The following C4orf33 variants were observed in gnomAD, a reference collection of about 807,000 sequenced individuals.
C4orf33 encodes the protein chromosome 4 open reading frame 33.
In C4orf33, 20 loss-of-function variants were observed where a neutral mutation model predicts 24.3. That is an observed-to-expected ratio of 0.82 (90% confidence interval 0.58 to 1.19). C4orf33 has a LOEUF of 1.19. Among genes scored for constraint, C4orf33 ranks in the 50% most tolerant of loss-of-function variants. The pLI, the probability that C4orf33 is intolerant of heterozygous loss-of-function variation, is 0.00. For synonymous variants in C4orf33, 67 were observed against 76.4 expected (o/e 0.88, Z 0.64); for missense variants, 207 against 225.9 (o/e 0.92, Z 0.54).
chr4:129,106,792 T>C, intron 3 of C4orf33, 145 bp downstream of exon 3: 1 of 500,782 alleles, frequency 2.0e-6, no homozygotes, highest in Non-Finnish European at 3.6e-6. Flanking sequence ...TTTATATATT[T>C]CTTAGTTTCA....
chr4:129,112,155 T>C lies in C4orf33; in HGVS notation c.*364T>C. 1 of 159,126 alleles carries C rather than the reference T, an allele frequency of 6.3e-6. No individual in the cohort carries two copies. The highest frequency in any genetic ancestry group is 1.4e-5 in the Non-Finnish European group (1 of 72,682). 9.9% of individuals were successfully genotyped at this position (159,126 alleles called of 1,614,324 possible). On this transcript the variant is annotated 3_prime_UTR_variant, in exon 6 of 6. Transcript: ENST00000425929. ...ACTACCTTGTGATTCAACCATTTCA[T>C]TCCTAGATATATACCCCAGAAAAAT...
chr4:129,103,016 ATTT>A (rs11383422), intron 2 of C4orf33: 775 of 175,696 alleles, frequency 4.4e-3, no homozygotes, highest in Middle Eastern at 0.017. Context: ...ACAAATCCAG[ATTT>A]TTTTTTTTTT....
chr4:129,096,703 A>C (rs1753217772), intron 1 of C4orf33, among the ~76,000 whole-genome samples: 1 of 152,208 alleles, frequency 6.6e-6, no homozygotes, highest in African/African-American at 2.4e-5. Flanking sequence ...TTTGAAGAAT[A>C]GAGGTTAAAA....
At chr4:129,104,142 T>TA (rs1309560678) in intron 2 of C4orf33, among the ~76,000 whole-genome samples, 3 of 152,184 alleles carry the variant, frequency 2.0e-5, no homozygotes, top group African/African-American at 4.8e-5. Flanking sequence ...TCACCAAATC[T>TA]AAAAAATTGT....
chr4:129,106,834 A>G (rs1420900198), intron 3 of C4orf33, among the ~76,000 whole-genome samples, 187 bp downstream of exon 3: 4 of 151,844 alleles, frequency 2.6e-5, no homozygotes, highest in African/African-American at 9.7e-5. Flanking sequence ...ATGTATGTTT[A>G]GAATATACTC....
Position 129,111,682 on chromosome 4 carries a change from TTAG to T in C4orf33, c.495-3_495-1del. The T allele has an allele frequency of 1.3e-6, 2 of 1,575,364 alleles. No homozygotes were observed. The highest frequency in any genetic ancestry group is 3.4e-5 in the Admixed American group (2 of 58,308). On this transcript the variant is annotated splice_acceptor_variant and splice_polypyrimidine_tract_variant and intron_variant, in intron 5 of 5. Coordinates refer to ENST00000425929, the MANE Select transcript of C4orf33 (RefSeq NM_001099783.2). LOFTEE classifies it high-confidence loss of function. ...ATTCCCACCTTCTTTTTCTTTGCTT[TTAG>T]CCATTGCCTAGAATACTTCAAGTCT...
At chr4:129,105,860 AAAAG>A (rs1311129691) in intron 2 of C4orf33, among the ~76,000 whole-genome samples, 18 of 152,190 alleles carry the variant, frequency 1.2e-4, no homozygotes, top group African/African-American at 4.1e-4. Context: ...TATAAAAAAG[AAAAG>A]AAAGATCACC....
chr4:129,107,152 G>T (rs1580013886), intron 3 of C4orf33, among the ~76,000 whole-genome samples: 2 of 151,886 alleles, frequency 1.3e-5, no homozygotes, highest in Non-Finnish European at 2.9e-5. Context: ...TATTCATCAT[G>T]CATTTATTAA....
intron 3 of C4orf33, among the ~76,000 whole-genome samples, chr4:129,107,795 A>G (rs1455227783): frequency 3.3e-5 from 5 of 152,086 alleles, no homozygotes; most frequent in African/African-American, 1.2e-4. Context: ...AGAACAGTAA[A>G]GAACTTGGAT....
intron 1 of C4orf33, among the ~76,000 whole-genome samples, chr4:129,101,388 G>A (rs1753346327): frequency 6.6e-6 from 1 of 151,976 alleles, no homozygotes; most frequent in Non-Finnish European, 1.5e-5. Flanking sequence ...TACATTCAAA[G>A]ATTTCAGATA....
upstream of C4orf33, among the ~76,000 whole-genome samples, chr4:129,095,193 C>A (rs1223603750): frequency 6.6e-6 from 1 of 152,130 alleles, no homozygotes; most frequent in Non-Finnish European, 1.5e-5. Context: ...TAAGTTTCAT[C>A]ATTAGGAAAC....
intron 5 of C4orf33, among the ~76,000 whole-genome samples, 182 bp from the exon 6 acceptor site, chr4:129,111,504 C>T (rs1317313912): frequency 6.6e-6 from 1 of 152,154 alleles, no homozygotes; most frequent in Non-Finnish European, 1.5e-5. Context: ...TGAATGTTTT[C>T]AGAGCTGAGT....
chr4:129,111,636 A>G, intron 5 of C4orf33, 50 bp from the exon 6 acceptor site: 1 of 1,120,998 alleles, frequency 8.9e-7, no homozygotes, highest in South Asian at 1.3e-5. Flanking sequence ...CAACTATTTC[A>G]CAAATGCATA....
At chr4:129,108,650 A>G (rs1396371544) in intron 3 of C4orf33, among the ~76,000 whole-genome samples, 1 of 152,194 alleles carries the variant, frequency 6.6e-6, no homozygotes, top group Non-Finnish European at 1.5e-5. Context: ...TAGTTTTTGA[A>G]ACTCGTTTTA....
At chr4:129,098,453 T>C (rs927267469) in intron 1 of C4orf33, among the ~76,000 whole-genome samples, 3 of 152,220 alleles carry the variant, frequency 2.0e-5, no homozygotes, top group East Asian at 1.9e-4. Context: ...TGAATTTGCT[T>C]AGAATAATAG....
At chr4:129,106,525 ATTAT>A (rs915285198) in intron 2 of C4orf33, 58 bp from the exon 3 acceptor site, 1 of 804,764 alleles carries the variant, frequency 1.2e-6, no homozygotes, top group Non-Finnish European at 2.0e-6. Flanking sequence ...AAAGGAATAA[ATTAT>A]TTATTGTTGG....
rs962722757 is a variant in C4orf33 at position 129,116,466 on chromosome 4, A to C, written c.*4675A>C. 1 of 152,172 alleles carries C rather than the reference A, an allele frequency of 6.6e-6. No homozygotes were observed. The allele number at this position is 152,172 out of a possible 1,614,324, so 9.4% of individuals were successfully genotyped here. ...AGCCTATCACCTGTAATTTCCGTTA[A>C]ACAGCATTTCTGACTCAATAGTACA... is the stretch of plus-strand genomic sequence containing the variant. On this transcript the variant is annotated 3_prime_UTR_variant, in exon 6 of 6. Coordinates refer to ENST00000425929, the MANE Select transcript of C4orf33 (RefSeq NM_001099783.2).
In C4orf33 at chr4:129,103,083, A is replaced by G. The variant is rs184353501; in HGVS notation, c.181+292A>G. ...TGCCCAGGTTGGAGTGCAGTGGTGC[A>G]ATCTCGGCTCACTGCAAGGTCCACG... On this transcript the variant is annotated intron_variant, in intron 2 of 5. Transcript: ENST00000425929. 39 of 201,400 alleles carry G rather than the reference A, an allele frequency of 1.9e-4. No individual in the cohort carries two copies. The East Asian group carries it at 5.4e-3, about 28-fold the overall frequency. The allele number at this position is 201,400 out of a possible 1,614,324, so 12.5% of individuals were successfully genotyped here. A position where few individuals can be genotyped will look rare whatever the true frequency, so the allele number is the denominator to read the frequency against.
intron 5 of C4orf33, among the ~76,000 whole-genome samples, chr4:129,110,454 G>A (rs1316228891): frequency 6.6e-6 from 1 of 152,174 alleles, no homozygotes; most frequent in East Asian, 1.9e-4. Context: ...ACTTCTGCAA[G>A]GACTACTCCT....
Sources: allele counts gnomAD v4.1 joint callset (sites outside exome capture counted in the v4.1 genomes callset), GRCh38; gene constraint gnomAD v4.1.1; transcripts MANE v1.5; gene names NCBI Gene and HGNC (gene_info 2026-07-23, HGNC 2026-07-21).